Variants in NMBR observed in about 807,000 individuals in gnomAD.
NMBR encodes the protein neuromedin B receptor.
In NMBR, 16 loss-of-function variants were observed where a neutral mutation model predicts 20.5. The ratio of observed to expected loss-of-function variants is 0.78; its 90% confidence interval spans 0.53 to 1.19. NMBR has a LOEUF of 1.19. Among genes scored for constraint, NMBR ranks in the 50% most tolerant of loss-of-function variants. The pLI is 0.00. For synonymous variants in NMBR, 212 were observed against 196.6 expected, an observed-to-expected ratio of 1.08 and a Z score of -0.65; for missense variants, 582 against 499.1, an observed-to-expected ratio of 1.17 and a Z score of -1.58.
intron 1 of NMBR, among the ~76,000 whole-genome samples, chr6:142,143,925 C>T (rs917575839): frequency 6.6e-6 from 1 of 152,156 alleles, no homozygotes; most frequent in African/African-American, 2.4e-5. Context: ...AATATGTTTG[C>T]TCGTATATAG....
At chr6:142,121,096 G>C (rs900743557) in intron 1 of NMBR, among the ~76,000 whole-genome samples, 1 of 151,868 alleles carries the variant, frequency 6.6e-6, no homozygotes, top group Non-Finnish European at 1.5e-5. Flanking sequence ...ATGATGATCT[G>C]TGATGAGTGA....
intron 1 of NMBR, among the ~76,000 whole-genome samples, chr6:142,140,176 A>T (rs911893477): frequency 4.6e-5 from 7 of 152,162 alleles, no homozygotes; most frequent in Non-Finnish European, 8.8e-5. Flanking sequence ...TTTAATAAGG[A>T]TATAGGTAAA....
At chr6:142,122,833 A>G (rs1444404266) in intron 1 of NMBR, among the ~76,000 whole-genome samples, 1 of 151,942 alleles carries the variant, frequency 6.6e-6, no homozygotes, top group East Asian at 1.9e-4. Flanking sequence ...ACTGCTCAAA[A>G]AAAAAGGATT....
At chr6:142,120,790 A>G (rs1777932307) in intron 1 of NMBR, among the ~76,000 whole-genome samples, 1 of 152,032 alleles carries the variant, frequency 6.6e-6, no homozygotes, top group Non-Finnish European at 1.5e-5. Context: ...GAATAAGTGC[A>G]TGCCAGAACA....
At chr6:142,082,642 G>GT (rs895694898) in intron 2 of NMBR, among the ~76,000 whole-genome samples, 15 of 152,206 alleles carry the variant, frequency 9.9e-5, no homozygotes, top group African/African-American at 3.6e-4. Context: ...TTTTAAGAGA[G>GT]TTGTGTGCAG....
At chr6:142,145,891 C>CT (rs1453142007) in intron 1 of NMBR, among the ~76,000 whole-genome samples, 9 of 152,000 alleles carry the variant, frequency 5.9e-5, no homozygotes, top group Admixed American at 5.2e-4. Context: ...TAAAGTTGAT[C>CT]TTTAAGGGCA....
intron 2 of NMBR, among the ~76,000 whole-genome samples, chr6:142,084,073 C>A (rs1777155682): frequency 6.6e-6 from 1 of 152,124 alleles, no homozygotes; most frequent in African/African-American, 2.4e-5. Flanking sequence ...TGAACCTGAG[C>A]TTCAGTCAGG....
chr6:142,089,796 G>T (rs111372966), intron 1 of NMBR, among the ~76,000 whole-genome samples: 5 of 151,926 alleles, frequency 3.3e-5, no homozygotes, highest in African/African-American at 9.7e-5. Flanking sequence ...ATTAACATTT[G>T]GGTTCCTTAC....
chr6:142,112,891 T>A (rs2114591171), intron 1 of NMBR, among the ~76,000 whole-genome samples: 1 of 141,902 alleles, frequency 7.0e-6, no homozygotes, highest in East Asian at 2.0e-4. Flanking sequence ...TAAAAGAGGA[T>A]TTACATTGAC....
intron 1 of NMBR, among the ~76,000 whole-genome samples, chr6:142,098,248 A>G (rs996854780): frequency 6.6e-6 from 1 of 152,168 alleles, no homozygotes; most frequent in African/African-American, 2.4e-5. Context: ...GAGAAACTCG[A>G]AACTATCTTG....
chr6:142,117,545 C>T (rs1031769522), intron 1 of NMBR, among the ~76,000 whole-genome samples: 1 of 151,940 alleles, frequency 6.6e-6, no homozygotes, highest in South Asian at 2.1e-4. Flanking sequence ...TTATTCAAAG[C>T]AGTGAATTTT....
chr6:142,131,118 C>T (rs550045607), intron 1 of NMBR, among the ~76,000 whole-genome samples: 1 of 152,202 alleles, frequency 6.6e-6, no homozygotes, highest in African/African-American at 2.4e-5. Flanking sequence ...CTTTGTTTCT[C>T]CAGATTCTAG....
chr6:142,106,988 G>A (rs1777675528), intron 1 of NMBR, among the ~76,000 whole-genome samples: 1 of 152,194 alleles, frequency 6.6e-6, no homozygotes, highest in African/African-American at 2.4e-5. Flanking sequence ...AAGATTGCCA[G>A]TTAAATTCCA....
At position 142,077,799 on chromosome 6, in the gene NMBR, A is replaced by T. The variant is rs189487560; in HGVS notation, c.771+756T>A. Reference sequence around the variant, plus strand: ...CTCTGTACCTGCAAAACCCGTTAGAAGTTCTTTTCTAGCTGTACACAAATG... The same window carrying T: ...CTCTGTACCTGCAAAACCCGTTAGATGTTCTTTTCTAGCTGTACACAAATG... On this transcript the variant is annotated intron_variant, in intron 3 of 3. Transcript: ENST00000258042. Among the ~76,000 whole-genome samples the T allele has an allele frequency of 4.9e-4, 75 of 152,348 alleles. 1 individual carries two copies. Among genetic ancestry groups the T allele is most frequent in the Non-Finnish European group, 8.5e-4 (58 of 68,040 alleles).
intron 1 of NMBR, chr6:142,134,109 A>C: frequency 1.9e-6 from 1 of 539,424 alleles, no homozygotes; most frequent in South Asian, 3.0e-5. Flanking sequence ...ATAATGTCAT[A>C]ATATGAGAAA....
At chr6:142,079,978 C>T (rs981170305) in intron 2 of NMBR, among the ~76,000 whole-genome samples, 3 of 152,200 alleles carry the variant, frequency 2.0e-5, no homozygotes, top group African/African-American at 7.2e-5. Context: ...GTATGTAAAC[C>T]TCAAATTTTT....
intron 1 of NMBR, among the ~76,000 whole-genome samples, chr6:142,108,647 C>G (rs1478221728): frequency 6.6e-6 from 1 of 152,102 alleles, no homozygotes; most frequent in Non-Finnish European, 1.5e-5. Context: ...ATTCAATTAC[C>G]TCCCACCTGG....
At chr6:142,117,980 T>C (rs545353819) in intron 1 of NMBR, among the ~76,000 whole-genome samples, 1 of 152,066 alleles carries the variant, frequency 6.6e-6, no homozygotes, top group East Asian at 1.9e-4. Context: ...AGGTGTAGTA[T>C]TAAACCTGGG....
intron 1 of NMBR, among the ~76,000 whole-genome samples, chr6:142,135,764 C>A (rs113011573): frequency 2.0e-5 from 3 of 151,364 alleles, no homozygotes; most frequent in African/African-American, 7.3e-5. Context: ...TTTGTCCTTG[C>A]GATAGTTTAC....
Sources: allele counts gnomAD v4.1 joint callset (sites outside exome capture counted in the v4.1 genomes callset), GRCh38; gene constraint gnomAD v4.1.1; transcripts MANE v1.5; gene names NCBI Gene and HGNC (gene_info 2026-07-23, HGNC 2026-07-21).